The following LDHC variants were observed in gnomAD, a reference collection of about 807,000 sequenced individuals.
The protein encoded by LDHC is L-lactate dehydrogenase C chain.
A neutral mutation model predicts 30.2 loss-of-function variants in LDHC; 20 were observed. The observed-to-expected ratio is 0.66, with a 90% CI of 0.47 to 0.96. The LOEUF (loss-of-function observed/expected upper bound fraction) is 0.96, where lower values mean the gene tolerates loss of function less well. Ranked by LOEUF, LDHC falls within the 40% of genes least tolerant of loss-of-function variation. The pLI, the probability that LDHC is intolerant of heterozygous loss-of-function variation, is 0.00. For synonymous variants in LDHC, 139 were observed against 132.7 expected (o/e 1.05, Z -0.32); for missense variants, 362 against 394.9 (o/e 0.92, Z 0.71).
At chr11:18,433,853 G>C (rs1386288532) in intron 4 of LDHC, among the ~76,000 whole-genome samples, 2 of 152,154 alleles carry the variant, frequency 1.3e-5, no homozygotes, top group Non-Finnish European at 2.9e-5. Context: ...CTCTAGCAAG[G>C]CCGGGGAATT....
intron 2 of LDHC, among the ~76,000 whole-genome samples, 172 bp downstream of exon 2, chr11:18,413,015 TTCTC>T (rs758462795): frequency 1.2e-4 from 17 of 146,980 alleles, no homozygotes; most frequent in Non-Finnish European, 1.8e-4. Context: ...TCCTTTTTCT[TTCTC>T]TCTTTCTTTT....
intron 6 of LDHC, among the ~76,000 whole-genome samples, chr11:18,439,830 AAAAAAAC>A (rs1565055671): frequency 8.6e-6 from 1 of 115,708 alleles, no homozygotes; most frequent in Non-Finnish European, 2.0e-5. Context: ...AAAAAAAAAA[AAAAAAAC>A]AAAAATTAGC....
intron 3 of LDHC, among the ~76,000 whole-genome samples, chr11:18,427,603 T>G (rs1179602034): frequency 1.3e-5 from 2 of 151,586 alleles, no homozygotes; most frequent in African/African-American, 4.8e-5. Flanking sequence ...ATGATGGCAT[T>G]AACAGGATCA....
At chr11:18,423,690 A>G (rs950038245) in intron 3 of LDHC, among the ~76,000 whole-genome samples, 3 of 152,210 alleles carry the variant, frequency 2.0e-5, no homozygotes, top group Admixed American at 6.5e-5. Context: ...CACAAAAAGC[A>G]TAATCAATAA....
Position 18,434,720 on chromosome 11 carries a change from C to T in LDHC, c.419-20C>T. ...TAAGTTATGATGAATCTTTTTCTAACACAAAATTTTTCTTCTTAGTGGATA... is the reference window on the plus strand; with the variant it reads ...TAAGTTATGATGAATCTTTTTCTAATACAAAATTTTTCTTCTTAGTGGATA... On this transcript the variant is annotated intron_variant, in intron 4 of 7. Transcript: ENST00000541669. The T allele has an allele frequency of 6.7e-7, 1 of 1,501,696 alleles. No homozygotes were observed. Among genetic ancestry groups the T allele is most frequent in the Non-Finnish European group, 9.1e-7 (1 of 1,095,148 alleles). 93.0% of individuals were successfully genotyped at this position (1,501,696 alleles called of 1,614,324 possible).
At chr11:18,432,701 T>C (rs1360194288) in intron 4 of LDHC, among the ~76,000 whole-genome samples, 1 of 152,238 alleles carries the variant, frequency 6.6e-6, no homozygotes, top group Non-Finnish European at 1.5e-5. Context: ...CAAGGCCTTT[T>C]ACCATTATAT....
chr11:18,447,197 G>T lies in LDHC; in HGVS notation c.834+864G>T, dbSNP rs994424261. Among the ~76,000 whole-genome samples the T allele has an allele frequency of 2.0e-5, 3 of 150,096 alleles. No individual in the cohort carries two copies. In the Admixed American group the frequency reaches 2.0e-4, roughly 10 times the overall value. The stretch of plus-strand genomic sequence containing the variant: ...CACCCAGGCTGGAGTGCAGTCATGC[G>T]ATCTTGGCTCACTGCAAGCTCCACC... On this transcript the variant is annotated intron_variant, in intron 7 of 7. Coordinates refer to ENST00000541669, the MANE Select transcript of LDHC (RefSeq NM_017448.5).
intron 3 of LDHC, among the ~76,000 whole-genome samples, chr11:18,428,734 G>C (rs1325299794): frequency 1.3e-5 from 2 of 152,016 alleles, no homozygotes; most frequent in African/African-American, 2.4e-5. Flanking sequence ...ATTTAGCTGT[G>C]TGTGATGGTG....
intron 1 of LDHC, 109 bp from the exon 2 acceptor site, chr11:18,412,600 C>T: frequency 9.8e-7 from 1 of 1,019,348 alleles, no homozygotes; most frequent in Non-Finnish European, 1.4e-6. Flanking sequence ...CCAGGAAATT[C>T]TTTCTTTGGC....
intron 7 of LDHC, among the ~76,000 whole-genome samples, chr11:18,447,662 G>T (rs1848578007): frequency 6.6e-6 from 1 of 152,200 alleles, no homozygotes; most frequent in African/African-American, 2.4e-5. Flanking sequence ...TAACTAGGAG[G>T]TTAGTCCTTA....
chr11:18,436,381 A>G (rs1370623681), intron 5 of LDHC, among the ~76,000 whole-genome samples: 1 of 151,934 alleles, frequency 6.6e-6, no homozygotes, highest in Non-Finnish European at 1.5e-5. Flanking sequence ...TAATACTTTG[A>G]ATTATACACT....
intron 3 of LDHC, among the ~76,000 whole-genome samples, chr11:18,424,908 T>C (rs1848134407): frequency 6.6e-6 from 1 of 152,152 alleles, no homozygotes; most frequent in African/African-American, 2.4e-5. Context: ...CTCGGGAGGC[T>C]GAGGCAGGAG....
intron 4 of LDHC, 133 bp from the exon 5 acceptor site, chr11:18,434,605 ACC>A (rs1444671392): frequency 1.7e-6 from 1 of 595,754 alleles, no homozygotes; most frequent in East Asian, 2.8e-5. Context: ...GAGCCACCGC[ACC>A]CAGCCAGTGA....
intron 5 of LDHC, among the ~76,000 whole-genome samples, chr11:18,437,489 A>C (rs763717653): frequency 3.9e-5 from 6 of 151,904 alleles, no homozygotes; most frequent in Admixed American, 1.3e-4. Context: ...ACGGTGGCTC[A>C]CGCCTATAAT....
intron 3 of LDHC, among the ~76,000 whole-genome samples, chr11:18,423,152 C>CCA (rs1848098086): frequency 2.6e-5 from 4 of 152,112 alleles, no homozygotes; most frequent in Non-Finnish European, 5.9e-5. Flanking sequence ...TGGTGAAACC[C>CCA]TGTCTCTGCT....
chr11:18,421,980 T>TGATG (rs1848067477), intron 3 of LDHC, among the ~76,000 whole-genome samples: 5 of 150,508 alleles, frequency 3.3e-5, no homozygotes, highest in African/African-American at 9.9e-5. Context: ...AAAAATTAGC[T>TGATG]GCATGTGGTG....
Position 18,438,593 on chromosome 11 carries a change from A to G in LDHC, c.658A>G (p.Thr220Ala), listed in dbSNP as rs771085598. ...GAAGACTCTGGACCCTAAATTAGGA[A>G]CGGATTCAGATAAGGAACACTGGAA... ...ALKTLDPKLG[T>A]DSDKEHWKNI... Residue 220 changes from threonine to alanine, a missense_variant, in exon 6 of 8, where the codon ACG becomes GCG. Physicochemically the swap from Thr to Ala is moderately conservative, Grantham distance 58. Transcript: ENST00000541669. 1.1e-5 allele frequency: 17 copies of G among 1,613,292 alleles called. No homozygotes were observed. In the Middle Eastern group the frequency reaches 9.9e-4, roughly 94 times the overall value.
rs1160451604 is a variant in LDHC, at chr11:18,439,657, T to C, written c.710+1012T>C. ...TAACAAAAACCACAAGTCTACTGTA[T>C]GTATACTTAAAACAACCCTACAAAA... is the stretch of plus-strand genomic sequence containing the variant. On this transcript the variant is annotated intron_variant, in intron 6 of 7. Coordinates refer to ENST00000541669, the MANE Select transcript of LDHC (RefSeq NM_017448.5). Among the ~76,000 whole-genome samples the C allele has an allele frequency of 3.3e-5, 5 of 150,134 alleles. 1 individual carries two copies. The highest frequency in any genetic ancestry group is 7.4e-5 in the Non-Finnish European group (5 of 67,656).
chr11:18,426,694 T>C (rs1207409119), intron 3 of LDHC, among the ~76,000 whole-genome samples: 1 of 152,158 alleles, frequency 6.6e-6, no homozygotes, highest in Admixed American at 6.6e-5. Flanking sequence ...TTCATAATTA[T>C]AGGCAGTAAG....
Sources: gnomAD v4.1 joint callset for allele counts (sites outside exome capture counted in the v4.1 genomes callset) on GRCh38, gnomAD v4.1.1 for gene constraint, MANE v1.5 for transcripts, NCBI Gene and HGNC (gene_info 2026-07-23, HGNC 2026-07-21) for gene names.